The following CDH23 variants were observed in gnomAD, a reference collection of about 807,000 sequenced individuals.
CDH23 encodes the protein cadherin-23.
In CDH23, 189 loss-of-function variants were observed where a neutral mutation model predicts 317.1. The observed-to-expected ratio is 0.60, with a 90% confidence interval of 0.53 to 0.67. CDH23 has a LOEUF of 0.67. CDH23 is among the 30% of genes least tolerant of loss of function. CDH23 has a pLI of 0.00. For missense variants in CDH23, 4,401 were observed against 4,592.4 expected (o/e 0.96, Z 1.20); for synonymous variants, 1,839 against 1,876.8 (o/e 0.98, Z 0.52).
At chr10:71,647,560 T>C (rs1004513109) in intron 14 of CDH23, 1 of 152,244 alleles carries the variant, frequency 6.6e-6, no homozygotes, top group African/African-American at 2.4e-5. Flanking sequence ...CTTTTTTGTA[T>C]TGGCAAAGAG....
intron 9 of CDH23, among the ~76,000 whole-genome samples, chr10:71,609,317 C>T (rs868611877): frequency 9.2e-5 from 14 of 152,094 alleles, no homozygotes; most frequent in African/African-American, 2.7e-4. Context: ...CCTCTCCCTC[C>T]GACCACCTAG....
chr10:71,797,055 A>AT (rs777445438), intron 48 of CDH23, 49 bp from the exon 49 acceptor site: 1 of 1,304,204 alleles, frequency 7.7e-7, no homozygotes. Context: ...GGAAGGGCAG[A>AT]TTTTAGGGGG....
intron 41 of CDH23, among the ~76,000 whole-genome samples, chr10:71,783,484 G>A (rs1475856463): frequency 6.6e-6 from 1 of 152,186 alleles, no homozygotes; most frequent in Non-Finnish European, 1.5e-5. Flanking sequence ...CCTCCCCTGG[G>A]CTCCCAGTTC....
At chr10:71,806,143 T>A (rs1432906361) in intron 56 of CDH23, 25 bp from the exon 57 acceptor site, 1 of 1,546,838 alleles carries the variant, frequency 6.5e-7, no homozygotes, top group South Asian at 1.2e-5. Context: ...AGTCTTTTCC[T>A]CTGACTGTGC....
At chr10:71,509,995 C>T in intron 3 of CDH23, 87 bp from the exon 4 acceptor site, 1 of 1,508,592 alleles carries the variant, frequency 6.6e-7, no homozygotes, top group Non-Finnish European at 9.2e-7. Context: ...CCACTCCCTG[C>T]TGAGAGTTCA....
intron 34 of CDH23, among the ~76,000 whole-genome samples, chr10:71,735,317 C>G (rs1459063492): frequency 1.3e-5 from 2 of 152,126 alleles, no homozygotes; most frequent in East Asian, 3.9e-4. Flanking sequence ...CAGAGAAGAC[C>G]ATGTGCTGGG....
In CDH23 at chr10:71,688,363, A is replaced by G. The variant is rs1261157292; in HGVS notation, c.2059+644A>G. Among the ~76,000 whole-genome samples, 3 of 152,282 alleles carry G rather than the reference A, an allele frequency of 2.0e-5. No homozygotes were observed. In the East Asian group the frequency reaches 5.8e-4, roughly 29 times the overall value. ...GGAGACAGGAAGGCTGGAATCAGGG[A>G]CAGTAGAGTCATGGATGGTGGAGTC... On this transcript the variant is annotated intron_variant, in intron 19 of 69. Coordinates refer to ENST00000224721, the MANE Select transcript of CDH23 (RefSeq NM_022124.6).
chr10:71,519,011 G>A (rs1420194051), intron 6 of CDH23, among the ~76,000 whole-genome samples: 2 of 152,230 alleles, frequency 1.3e-5, no homozygotes, highest in Non-Finnish European at 2.9e-5. Flanking sequence ...AGCAGGAGAT[G>A]GAGGGAGCCC....
chr10:71,506,928 G>T (rs1171835266), intron 3 of CDH23, among the ~76,000 whole-genome samples: 1 of 152,214 alleles, frequency 6.6e-6, no homozygotes, highest in Non-Finnish European at 1.5e-5. Flanking sequence ...GGAAATTACA[G>T]GGTGGGTGAC....
chr10:71,445,762 C>T (rs1015180792), intron 2 of CDH23, among the ~76,000 whole-genome samples: 2 of 146,752 alleles, frequency 1.4e-5, no homozygotes, highest in Non-Finnish European at 3.0e-5. Flanking sequence ...GCAGGAAAAT[C>T]GCTTTAGCTT....
At chr10:71,807,021 G>GAGTAACGTGTGCATGTA (rs1841751058) in intron 57 of CDH23, among the ~76,000 whole-genome samples, 2 of 152,092 alleles carry the variant, frequency 1.3e-5, no homozygotes, top group Non-Finnish European at 2.9e-5. Flanking sequence ...ACATGCATGT[G>GAGTAACGTGTGCATGTA]CATATAAGAG....
intron 11 of CDH23, among the ~76,000 whole-genome samples, chr10:71,632,400 A>G (rs1300989218): frequency 6.6e-6 from 1 of 152,256 alleles, no homozygotes; most frequent in Non-Finnish European, 1.5e-5. Flanking sequence ...GTCCTTGAGC[A>G]TAAGTGATGT....
intron 14 of CDH23, among the ~76,000 whole-genome samples, chr10:71,667,709 C>G (rs1863974008): frequency 6.6e-6 from 1 of 152,014 alleles, no homozygotes; most frequent in Admixed American, 6.6e-5. Context: ...GAGATGATGA[C>G]TGTTAATTGC....
At chr10:71,580,256 T>A (rs917745183) in intron 9 of CDH23, among the ~76,000 whole-genome samples, 2 of 152,218 alleles carry the variant, frequency 1.3e-5, no homozygotes, top group African/African-American at 4.8e-5. Flanking sequence ...CTCTGGAGCT[T>A]GGAGTCCGGG....
At chr10:71,610,440 G>A (rs1322047969) in intron 9 of CDH23, among the ~76,000 whole-genome samples, 2 of 152,228 alleles carry the variant, frequency 1.3e-5, no homozygotes, top group Non-Finnish European at 2.9e-5. Context: ...ATGTGTGGAA[G>A]GCGAATGCTT....
At chr10:71,682,223 A>G (rs1406762879) in intron 17 of CDH23, among the ~76,000 whole-genome samples, 1 of 152,198 alleles carries the variant, frequency 6.6e-6, no homozygotes, top group East Asian at 1.9e-4. Flanking sequence ...TGGGGCTTAC[A>G]TTACCACCAG....
intron 33 of CDH23, 122 bp downstream of exon 33, chr10:71,734,463 G>A (rs1839497641): frequency 6.7e-7 from 1 of 1,494,182 alleles, no homozygotes; most frequent in Non-Finnish European, 9.1e-7. Context: ...GGTCTTGATA[G>A]CCTGAGGCTT....
chr10:71,630,422 G>C (rs574352667), intron 11 of CDH23, among the ~76,000 whole-genome samples: 2 of 152,312 alleles, frequency 1.3e-5, no homozygotes, highest in African/African-American at 4.8e-5. Flanking sequence ...CCGTCATTCA[G>C]ATGGGGCCTG....
intron 3 of CDH23, among the ~76,000 whole-genome samples, chr10:71,466,754 C>G (rs1473259370): frequency 6.6e-6 from 1 of 152,112 alleles, no homozygotes; most frequent in Non-Finnish European, 1.5e-5. Context: ...ACACCTCTGC[C>G]TTCTTGCGTG....
Sources: allele counts gnomAD v4.1 joint callset (sites outside exome capture counted in the v4.1 genomes callset), GRCh38; gene constraint gnomAD v4.1.1; transcripts MANE v1.5; gene names NCBI Gene and HGNC (gene_info 2026-07-23, HGNC 2026-07-21).